The following NRXN3 variants were observed in gnomAD, a reference collection of about 807,000 sequenced individuals.
NRXN3 encodes neurexin 3, also known as neurexin III.
NRXN3 carries 32 observed loss-of-function variants against 137.6 expected under a neutral mutation model. The ratio of observed to expected loss-of-function variants is 0.23; its 90% confidence interval spans 0.18 to 0.31. The LOEUF (loss-of-function observed/expected upper bound fraction) is 0.31. Ranked by LOEUF, NRXN3 falls within the 10% of genes least tolerant of loss-of-function variation. The probability of loss-of-function intolerance (pLI) is 1.00; values close to 1 mark genes in which losing one functional copy is unlikely to be tolerated. For missense variants in NRXN3, 1,574 were observed against 2,062.5 expected, an observed-to-expected ratio of 0.76 and a Z score of 4.59; for synonymous variants, 798 against 784.5, an observed-to-expected ratio of 1.02 and a Z score of -0.29.
At chr14:78,205,352 A>G (rs1369529680) in intron 1 of NRXN3, among the ~76,000 whole-genome samples, 2 of 152,176 alleles carry the variant, frequency 1.3e-5, no homozygotes, top group Admixed American at 6.5e-5. Flanking sequence ...TTCTTTCCCA[A>G]CCCAGAGTAC....
At position 78,217,077 on chromosome 14, in the gene NRXN3, G is replaced by A. The variant is rs141309979; in HGVS notation, c.-703-25314G>A. ...GTACCAGGTGTTAAGACTTCAACAT[G>A]TCTTTCTCAGCCCACAACACCTCAT... On this transcript the variant is annotated intron_variant, in intron 1 of 20. Coordinates refer to ENST00000335750, the MANE Select transcript of NRXN3 (RefSeq NM_001330195.2). 2.9e-3 allele frequency among the ~76,000 whole-genome samples: 439 copies of A among 152,240 alleles called. 3 individuals carry two copies. The highest frequency in any genetic ancestry group is 8.1e-3 in the African/African-American group (337 of 41,540).
At chr14:79,724,847 A>G (rs1386101835) in intron 19 of NRXN3, among the ~76,000 whole-genome samples, 2 of 152,156 alleles carry the variant, frequency 1.3e-5, no homozygotes, top group African/African-American at 2.4e-5. Flanking sequence ...CTAGTAATAG[A>G]CTAACACATA....
At chr14:78,587,154 A>G (rs762446308) in intron 4 of NRXN3, among the ~76,000 whole-genome samples, 14 of 152,200 alleles carry the variant, frequency 9.2e-5, no homozygotes, top group Non-Finnish European at 1.5e-4. Context: ...CTCCTAGTTA[A>G]AGAGTCATGG....
chr14:78,827,186 C>G (rs1416273990), intron 10 of NRXN3, among the ~76,000 whole-genome samples: 1 of 150,996 alleles, frequency 6.6e-6, no homozygotes, highest in Non-Finnish European at 1.5e-5. Flanking sequence ...TGTTGCTGAT[C>G]ATCAGCAACT....
chr14:78,387,949 C>T (rs947031711), intron 4 of NRXN3, among the ~76,000 whole-genome samples: 9 of 152,130 alleles, frequency 5.9e-5, no homozygotes, highest in South Asian at 2.1e-4. Context: ...GTTTTCTCTG[C>T]CTTTTCTACC....
chr14:78,318,131 A>G (rs2153555270), intron 4 of NRXN3, among the ~76,000 whole-genome samples: 1 of 152,252 alleles, frequency 6.6e-6, no homozygotes, highest in Non-Finnish European at 1.5e-5. Context: ...AAATCATCCT[A>G]TTTCCATGAG....
In NRXN3 at chr14:79,619,319, G is replaced by T. The variant is rs372911402; in HGVS notation, c.3445-44459G>T. Reference sequence around the variant, plus strand: ...ATGGTATTTCCTAGGTTTCCTTCTAGGATTTTTATGATTTTTAGGTCTCAC... The same window carrying T: ...ATGGTATTTCCTAGGTTTCCTTCTATGATTTTTATGATTTTTAGGTCTCAC... On this transcript the variant is annotated intron_variant, in intron 16 of 20. Coordinates refer to ENST00000335750, the MANE Select transcript of NRXN3 (RefSeq NM_001330195.2). Among the ~76,000 whole-genome samples, 5 of 152,068 alleles carry T rather than the reference G, an allele frequency of 3.3e-5. No homozygotes were observed. The South Asian group carries it at 8.3e-4, about 25-fold the overall frequency.
chr14:79,567,282 TGACA>T (rs1294104805), intron 16 of NRXN3, among the ~76,000 whole-genome samples: 3 of 152,010 alleles, frequency 2.0e-5, no homozygotes, highest in Admixed American at 2.0e-4. Context: ...ATCTAGTATA[TGACA>T]GAAATGAAAA....
intron 6 of NRXN3, among the ~76,000 whole-genome samples, chr14:78,671,466 T>C (rs148922904): frequency 0.011 from 1,691 of 152,314 alleles, 14 homozygotes; most frequent in South Asian, 0.027. Context: ...TTGGGTACTA[T>C]GCTCAGTATC....
chr14:79,823,391 G>A (rs539997993), intron 20 of NRXN3, among the ~76,000 whole-genome samples: 4 of 152,222 alleles, frequency 2.6e-5, no homozygotes, highest in Admixed American at 6.5e-5. Context: ...GGTGGTGACC[G>A]ATATTTTGAT....
intron 15 of NRXN3, among the ~76,000 whole-genome samples, chr14:79,273,417 G>A (rs1257720437): frequency 6.6e-6 from 1 of 151,784 alleles, no homozygotes; most frequent in South Asian, 2.1e-4. Context: ...AGCGGATCAC[G>A]AGGTCAGGAG....
At chr14:79,126,191 A>T (rs1385635209) in intron 15 of NRXN3, among the ~76,000 whole-genome samples, 1 of 151,932 alleles carries the variant, frequency 6.6e-6, no homozygotes, top group Non-Finnish European at 1.5e-5. Context: ...TATTATTATT[A>T]TACTTTAAGT....
At chr14:79,044,841 T>C (rs561678931) in intron 15 of NRXN3, among the ~76,000 whole-genome samples, 91 of 131,202 alleles carry the variant, frequency 6.9e-4, no homozygotes, top group Middle Eastern at 3.9e-3. Context: ...TTTTTTTTTT[T>C]CTTCCCACTC....
At chr14:78,518,404 C>T (rs1247210015) in intron 4 of NRXN3, among the ~76,000 whole-genome samples, 1 of 151,936 alleles carries the variant, frequency 6.6e-6, no homozygotes, top group Non-Finnish European at 1.5e-5. Context: ...TAATCCAGTC[C>T]GGAGTTACAG....
At chr14:78,954,566 T>C (rs959257227) in intron 10 of NRXN3, among the ~76,000 whole-genome samples, 2 of 151,902 alleles carry the variant, frequency 1.3e-5, no homozygotes, top group African/African-American at 4.8e-5. Flanking sequence ...CCTGGTTCAC[T>C]CCATTCTCCT....
chr14:79,766,500 A>G (rs1297178469), intron 19 of NRXN3, among the ~76,000 whole-genome samples: 4 of 152,340 alleles, frequency 2.6e-5, no homozygotes, highest in African/African-American at 9.6e-5. Context: ...ATAAAGAGAA[A>G]TCACATTGAA....
chr14:79,482,454 C>G (rs1219511100), intron 16 of NRXN3, among the ~76,000 whole-genome samples: 1 of 152,198 alleles, frequency 6.6e-6, no homozygotes. Context: ...CTCTCGCTAT[C>G]TGGTTCTATT....
chr14:79,285,157 G>A (rs7161386), intron 15 of NRXN3, among the ~76,000 whole-genome samples: 153 of 152,064 alleles, frequency 1.0e-3, no homozygotes, highest in African/African-American at 3.6e-3. Context: ...AGAGAGGAGA[G>A]ATAAGATCAT....
At chr14:78,908,673 A>T (rs961915284) in intron 10 of NRXN3, among the ~76,000 whole-genome samples, 6 of 152,098 alleles carry the variant, frequency 3.9e-5, no homozygotes, top group African/African-American at 1.4e-4. Context: ...TCTGAACAGG[A>T]TCTAGTTTGA....
Sources: gnomAD v4.1 joint callset for allele counts (sites outside exome capture counted in the v4.1 genomes callset) on GRCh38, gnomAD v4.1.1 for gene constraint, MANE v1.5 for transcripts, NCBI Gene and HGNC (gene_info 2026-07-23, HGNC 2026-07-21) for gene names.